The following ENAH variants were observed in gnomAD, a reference collection of about 807,000 sequenced individuals.
ENAH encodes protein enabled homolog.
Under a neutral mutation model 78.7 loss-of-function variants are expected in ENAH, and 23 were observed. The ratio of observed to expected loss-of-function variants is 0.29; its 90% CI spans 0.21 to 0.41. ENAH has a LOEUF of 0.41. ENAH is among the 10% of genes least tolerant of loss of function. The pLI is 1.00. For synonymous variants in ENAH, 226 were observed against 241.0 expected, an observed-to-expected ratio of 0.94 and a Z score of 0.58; for missense variants, 544 against 691.0, an observed-to-expected ratio of 0.79 and a Z score of 2.39.
At chr1:225,634,136 G>A (rs1488622403) in intron 1 of ENAH, among the ~76,000 whole-genome samples, 1 of 152,014 alleles carries the variant, frequency 6.6e-6, no homozygotes, top group Admixed American at 6.6e-5. Context: ...GATACAAACT[G>A]ATTTTCTTTC....
chr1:225,638,018 C>T (rs144725725), intron 1 of ENAH, among the ~76,000 whole-genome samples: 98 of 152,238 alleles, frequency 6.4e-4, no homozygotes, highest in African/African-American at 2.3e-3. Context: ...ACAAAGAAAA[C>T]AATAAACAGA....
chr1:225,645,146 T>C (rs919317603), intron 1 of ENAH, among the ~76,000 whole-genome samples: 1 of 152,314 alleles, frequency 6.6e-6, no homozygotes, highest in Non-Finnish European at 1.5e-5. Flanking sequence ...TCTCTCTTCT[T>C]TAAATAGCAC....
At chr1:225,560,238 T>C (rs1176234990) in intron 2 of ENAH, among the ~76,000 whole-genome samples, 1 of 152,034 alleles carries the variant, frequency 6.6e-6, no homozygotes, top group African/African-American at 2.4e-5. Flanking sequence ...CTCATGGTAA[T>C]TCCAGCACTT....
In ENAH at chr1:225,653,023, CG is replaced by C. The variant is rs1663338220; in HGVS notation, c.-334del. 1 of 202,042 alleles carries C rather than the reference CG, an allele frequency of 4.9e-6. No homozygotes were observed. Among genetic ancestry groups the C allele is most frequent in the Non-Finnish European group, 9.9e-6 (1 of 100,590 alleles). The allele number at this position is 202,042 out of a possible 1,614,324, so 12.5% of individuals were successfully genotyped here. On this transcript the variant is annotated 5_prime_UTR_variant, in exon 1 of 14. Transcript: ENST00000366843. This position sits in a 1 kb window ranked among gnomAD's most constrained non-coding sequence, Gnocchi z 4.3. ...CGGCCGCCCTCTGAGGGGTGCCCGCCGGGGCCGCGCGCCCGGCCGCCGCTCC... is the reference window on the plus strand; with the variant it reads ...CGGCCGCCCTCTGAGGGGTGCCCGCCGGGCCGCGCGCCCGGCCGCCGCTCC...
intron 1 of ENAH, among the ~76,000 whole-genome samples, chr1:225,623,655 G>A (rs1305731852): frequency 1.3e-5 from 2 of 150,198 alleles, no homozygotes; most frequent in Admixed American, 6.7e-5. Flanking sequence ...GTGCAATCTC[G>A]GCTCACTGCA....
intron 12 of ENAH, 101 bp from the exon 13 acceptor site, chr1:225,498,505 G>A (rs2096262605): frequency 2.8e-6 from 2 of 702,322 alleles, no homozygotes; most frequent in Non-Finnish European, 4.6e-6. Context: ...ATGATGTGTA[G>A]TTTTTTTTGT....
chr1:225,608,005 C>G (rs976214208), intron 1 of ENAH, among the ~76,000 whole-genome samples: 1 of 151,588 alleles, frequency 6.6e-6, no homozygotes, highest in Non-Finnish European at 1.5e-5. Context: ...TTAAGAAAAC[C>G]TTTAATTTGA....
intron 6 of ENAH, among the ~76,000 whole-genome samples, chr1:225,516,334 C>T (rs1392626651): frequency 6.6e-6 from 1 of 152,148 alleles, no homozygotes; most frequent in African/African-American, 2.4e-5. Flanking sequence ...AGTCATAATG[C>T]TCCAAGGGTT....
intron 1 of ENAH, among the ~76,000 whole-genome samples, chr1:225,597,032 C>A (rs1478896873): frequency 6.6e-6 from 1 of 152,172 alleles, no homozygotes; most frequent in African/African-American, 2.4e-5. Flanking sequence ...CTTCCCACCT[C>A]TCCCCTTCTT....
Position 225,497,811 on chromosome 1 carries a change from T to G in ENAH, c.1677A>C (p.Ala559=), listed in dbSNP as rs748289277. 40 of 1,611,830 alleles carry G rather than the reference T, an allele frequency of 2.5e-5. No individual in the cohort carries two copies. The East Asian group carries it at 8.5e-4, about 34-fold the overall frequency. Residue 559 remains alanine (A), a splice_region_variant and synonymous_variant, in exon 14 of 14, where the codon GCA becomes GCC. Transcript: ENST00000366843. ...LTKLKEELID[A]IRQELSKSNT... Reference sequence around the variant, plus strand: ...TTGACTTGCTCAGTTCCTGCCTGATTGCTGGATGGAAAAGAACAAGTATTG... The same window carrying G: ...TTGACTTGCTCAGTTCCTGCCTGATGGCTGGATGGAAAAGAACAAGTATTG...
intron 1 of ENAH, among the ~76,000 whole-genome samples, chr1:225,633,039 C>CTTT (rs3050270): frequency 1.4e-5 from 2 of 141,832 alleles, no homozygotes; most frequent in African/African-American, 5.2e-5. Flanking sequence ...CACTCAAAGT[C>CTTT]TTTTTTTTTT....
At chr1:225,599,673 G>A (rs565725848) in intron 1 of ENAH, among the ~76,000 whole-genome samples, 2 of 152,024 alleles carry the variant, frequency 1.3e-5, no homozygotes, top group South Asian at 2.1e-4. Context: ...CCAGGCGCCT[G>A]TAATCCCAGC....
intron 1 of ENAH, among the ~76,000 whole-genome samples, chr1:225,570,729 G>A (rs147383209): frequency 2.5e-3 from 376 of 148,984 alleles, no homozygotes; most frequent in African/African-American, 8.5e-3. Context: ...AGGCCGAGGC[G>A]GGCAGATCAC....
chr1:225,559,192 G>A (rs756704761), intron 2 of ENAH, among the ~76,000 whole-genome samples: 6 of 151,796 alleles, frequency 4.0e-5, no homozygotes, highest in African/African-American at 9.7e-5. Context: ...ATTTCTTCTC[G>A]GACTCATGGA....
intron 11 of ENAH, among the ~76,000 whole-genome samples, chr1:225,504,509 A>T (rs1458581629): frequency 6.6e-6 from 1 of 152,204 alleles, no homozygotes; most frequent in Non-Finnish European, 1.5e-5. Context: ...AAATGGTATA[A>T]TAGGGCTCAT....
rs139773212 is a variant in ENAH at position 225,512,916 on chromosome 1, C to G, written c.1319G>C (p.Gly440Ala). 317 of 1,613,906 alleles carry G rather than the reference C, an allele frequency of 2.0e-4. No individual in the cohort carries two copies. The highest frequency in any genetic ancestry group is 7.8e-4 in the South Asian group (71 of 91,080). Residue 440 changes from glycine (G) to alanine (A), a missense_variant, in exon 8 of 14, where the codon GGG becomes GCG. Coordinates refer to ENST00000366843, the MANE Select transcript of ENAH (RefSeq NM_018212.6). ...CATTTCTTCCATTAAACCACTACCCCCTAAAGGAAGGGGTCCATTTCCACG... is the reference window on the plus strand; with the variant it reads ...CATTTCTTCCATTAAACCACTACCCGCTAAAGGAAGGGGTCCATTTCCACG... ...TGRGNGPLPL[G>A]GSGLMEEMSA...
At position 225,588,579 on chromosome 1, in the gene ENAH, G is replaced by A. The variant is rs1233443519; in HGVS notation, c.6-21165C>T. Among the ~76,000 whole-genome samples, 4 of 152,180 alleles carry A rather than the reference G, an allele frequency of 2.6e-5. No homozygotes were observed. The East Asian group carries it at 7.7e-4, about 29-fold the overall frequency. ...AATCCCAACACTTTGGGAGGCCAAG[G>A]TGGACGGATCACGAAGTCAGGAGAT... On this transcript the variant is annotated intron_variant, in intron 1 of 13. Coordinates refer to ENST00000366843, the MANE Select transcript of ENAH (RefSeq NM_018212.6).
At chr1:225,650,401 T>C (rs955588961) in intron 1 of ENAH, among the ~76,000 whole-genome samples, 6 of 152,172 alleles carry the variant, frequency 3.9e-5, no homozygotes, top group Admixed American at 2.6e-4. Flanking sequence ...TTACTTTTTA[T>C]TAGAAAAGGA....
intron 3 of ENAH, among the ~76,000 whole-genome samples, chr1:225,551,588 A>G (rs2096640880): frequency 1.3e-5 from 2 of 152,324 alleles, no homozygotes; most frequent in East Asian, 1.9e-4. Flanking sequence ...GAGAAGCTCC[A>G]TATTTTCTGT....
Sources: gnomAD v4.1 joint callset for allele counts (sites outside exome capture counted in the v4.1 genomes callset) on GRCh38, gnomAD v4.1.1 for gene constraint, Gnocchi (gnomAD v3.1) non-coding constraint, MANE v1.5 for transcripts, NCBI Gene and HGNC (gene_info 2026-07-23, HGNC 2026-07-21) for gene names.